The following RRH variants were observed in gnomAD, a reference collection of about 807,000 sequenced individuals.
RRH encodes the protein visual pigment-like receptor peropsin.
In RRH, 36 loss-of-function variants were observed where a neutral mutation model predicts 33.1. The ratio of observed to expected loss-of-function variants is 1.09; its 90% confidence interval spans 0.83 to 1.44. The LOEUF (loss-of-function observed/expected upper bound fraction) is 1.44. RRH is among the 40% of genes most tolerant of loss of function. The pLI, the probability that RRH is intolerant of heterozygous loss-of-function variation, is 0.00. For synonymous variants in RRH, 124 were observed against 140.2 expected, an observed-to-expected ratio of 0.88 and a Z score of 0.82; for missense variants, 393 against 420.2, an observed-to-expected ratio of 0.94 and a Z score of 0.57.
intron 4 of RRH, 105 bp downstream of exon 4, chr4:109,836,265 C>A: frequency 1.7e-6 from 2 of 1,172,340 alleles, no homozygotes; most frequent in Non-Finnish European, 2.5e-6. Flanking sequence ...CAGAAGGTGG[C>A]GAAGCACTTC....
intron 5 of RRH, among the ~76,000 whole-genome samples, chr4:109,840,048 A>G (rs1386965350): frequency 6.6e-6 from 1 of 152,186 alleles, no homozygotes; most frequent in Non-Finnish European, 1.5e-5. Context: ...TGCCACACAC[A>G]ATCTTCCACA....
rs1733913560 is a variant in RRH, at chr4:109,837,745, C to A, written c.720+140C>A. 9.9e-6 allele frequency: 7 copies of A among 704,770 alleles called. 1 individual carries two copies. Among genetic ancestry groups the A allele is most frequent in the South Asian group, 8.3e-5 (5 of 60,504 alleles). 43.7% of individuals were successfully genotyped at this position (704,770 alleles called of 1,614,324 possible). On this transcript the variant is annotated intron_variant, in intron 5 of 6. Coordinates refer to ENST00000317735, the MANE Select transcript of RRH (RefSeq NM_006583.5). ...CCAGCTCTTTCTTCTGTGTTTGCTTCCTCATTTCTTTTTTTGCTTTTATTT... is the reference window on the plus strand; with the variant it reads ...CCAGCTCTTTCTTCTGTGTTTGCTTACTCATTTCTTTTTTTGCTTTTATTT...
chr4:109,837,318 C>T, intron 4 of RRH, 119 bp from the exon 5 acceptor site: 1 of 948,358 alleles, frequency 1.1e-6, no homozygotes, highest in Non-Finnish European at 1.6e-6. Flanking sequence ...AAATATACTT[C>T]TAAAATTATT....
At chr4:109,830,921 C>T (rs1401610499) in intron 1 of RRH, among the ~76,000 whole-genome samples, 1 of 152,130 alleles carries the variant, frequency 6.6e-6, no homozygotes, top group Non-Finnish European at 1.5e-5. Context: ...GAGAAATCAA[C>T]ATCAAGTGCT....
In RRH at chr4:109,835,462, G is replaced by T. The variant is rs147963829; in HGVS notation, c.394G>T (p.Val132Leu). 13 of 1,609,622 alleles carry T rather than the reference G, an allele frequency of 8.1e-6. No homozygotes were observed. Among genetic ancestry groups the T allele is most frequent in the African/African-American group, 1.3e-5 (1 of 74,804 alleles). The change falls in exon 3 of 7, where the codon GTA becomes TTA. Residue 132 changes from valine (V) to leucine (L), a missense_variant. Transcript: ENST00000317735. The stretch of plus-strand genomic sequence containing the variant: ...ATACCTGACCATCTGCCTTCCTGAC[G>T]TAGGTACAACACTTTTCTCAGCTTT... The part of the protein sequence containing the change: ...DRYLTICLPD[V>L]GRRMTTNTYI...
At chr4:109,834,045 A>G (rs1733823593) in intron 2 of RRH, among the ~76,000 whole-genome samples, 1 of 152,190 alleles carries the variant, frequency 6.6e-6, no homozygotes, top group African/African-American at 2.4e-5. Flanking sequence ...CTTCAATCTT[A>G]TTCCTCCCAT....
chr4:109,833,099 A>C (rs371698426), intron 1 of RRH, 40 bp from the exon 2 acceptor site: 2 of 1,533,270 alleles, frequency 1.3e-6, no homozygotes, highest in Non-Finnish European at 1.8e-6. Context: ...GAAACATTCA[A>C]ATTAAACAAA....
At chr4:109,835,265 AC>A in intron 2 of RRH, 100 bp from the exon 3 acceptor site, 1 of 759,770 alleles carries the variant, frequency 1.3e-6, no homozygotes, top group South Asian at 1.5e-5. Context: ...AAAGTAAAAA[AC>A]CTTTAGTATA....
At chr4:109,839,229 T>C (rs1438095822) in intron 5 of RRH, among the ~76,000 whole-genome samples, 2 of 151,348 alleles carry the variant, frequency 1.3e-5, no homozygotes, top group Non-Finnish European at 2.9e-5. Flanking sequence ...AAAAAACTCA[T>C]TAATAAAAAA....
At chr4:109,832,348 A>C (rs2125892294) in intron 1 of RRH, among the ~76,000 whole-genome samples, 2 of 151,212 alleles carry the variant, frequency 1.3e-5, no homozygotes, top group East Asian at 3.9e-4. Flanking sequence ...AATCTGGGGC[A>C]CTGACAACAC....
chr4:109,837,370 T>G, intron 4 of RRH, 67 bp from the exon 5 acceptor site: 1 of 1,289,398 alleles, frequency 7.8e-7, no homozygotes, highest in Non-Finnish European at 1.1e-6. Flanking sequence ...AATAATTATC[T>G]CCTCTTTCTC....
intron 6 of RRH, among the ~76,000 whole-genome samples, chr4:109,843,724 T>A (rs927348407): frequency 6.6e-6 from 1 of 152,206 alleles, no homozygotes; most frequent in Non-Finnish European, 1.5e-5. Flanking sequence ...AATAAACAAC[T>A]CATGGCACTT....
intron 1 of RRH, among the ~76,000 whole-genome samples, 164 bp downstream of exon 1, chr4:109,828,297 C>CT (rs151191651): frequency 0.035 from 5,328 of 152,072 alleles, 122 homozygotes; most frequent in Non-Finnish European, 0.055. Context: ...TGATGATACT[C>CT]TATTTCTGGG....
At chr4:109,843,964 G>A (rs1166235922) in intron 6 of RRH, 119 bp from the exon 7 acceptor site, 3 of 708,534 alleles carry the variant, frequency 4.2e-6, no homozygotes, top group Non-Finnish European at 7.7e-6. Context: ...TAAAGTTGGA[G>A]GCAGAAATTT....
At position 109,842,490 on chromosome 4, in the gene RRH, A is replaced by G. The variant is rs149358397; in HGVS notation, c.742A>G (p.Met248Val). ...TCAGATGTCTGTGATCATGATCTGC[A>G]TGTTTCTGGTGGCATGGTCCCCTTA... ...VTKMSVIMICMFLVAWSPYSI... is the reference protein window; with the variant it reads ...VTKMSVIMICVFLVAWSPYSI... Residue 248 changes from methionine to valine, a missense_variant, in exon 6 of 7, where the codon ATG becomes GTG. By Grantham distance (21) the Met-to-Val change is conservative (BLOSUM62 1). Coordinates refer to ENST00000317735, the MANE Select transcript of RRH (RefSeq NM_006583.5). The G allele has an allele frequency of 4.4e-4, 709 of 1,613,836 alleles. No individual in the cohort carries two copies. The highest frequency in any genetic ancestry group is 5.7e-4 in the Non-Finnish European group (668 of 1,179,966).
chr4:109,831,873 C>G (rs979610217), intron 1 of RRH, among the ~76,000 whole-genome samples: 1 of 152,092 alleles, frequency 6.6e-6, no homozygotes, highest in African/African-American at 2.4e-5. Context: ...CAAGCTGATT[C>G]TGCCAGAAGC....
rs199514197 is a variant in RRH, at chr4:109,842,568, C to A, written c.820C>A (p.Pro274Thr). Residue 274 changes from proline (P) to threonine (T), a missense_variant, in exon 6 of 7, where the codon CCC (proline) becomes ACC (threonine). By Grantham distance (38) the Pro-to-Thr change is conservative. Coordinates refer to ENST00000317735, the MANE Select transcript of RRH (RefSeq NM_006583.5). ...TGGTGACCCAAAGAAGATTCCTCCC[C>A]CCATGGCCATCATAGCTCCACTGTT... ...SFGDPKKIPPPMAIIAPLFAK... is the reference protein window; with the variant it reads ...SFGDPKKIPPTMAIIAPLFAK... The A allele has an allele frequency of 1.4e-5, 22 of 1,613,892 alleles. No individual in the cohort carries two copies. Among genetic ancestry groups the A allele is most frequent in the Non-Finnish European group, 4.2e-6 (5 of 1,179,916 alleles).
At chr4:109,839,325 G>A (rs1261095996) in intron 5 of RRH, among the ~76,000 whole-genome samples, 4 of 152,046 alleles carry the variant, frequency 2.6e-5, no homozygotes, top group South Asian at 2.1e-4. Context: ...AACAGGATCC[G>A]ACCCTGCACT....
chr4:109,833,956 C>T (rs899125010), intron 2 of RRH, among the ~76,000 whole-genome samples: 17 of 152,232 alleles, frequency 1.1e-4, no homozygotes, highest in African/African-American at 3.6e-4. Context: ...CTTAATGTTT[C>T]GCAATCTGTG....
Sources: gnomAD v4.1 joint callset for allele counts (sites outside exome capture counted in the v4.1 genomes callset) on GRCh38, gnomAD v4.1.1 for gene constraint, MANE v1.5 for transcripts, NCBI Gene and HGNC (gene_info 2026-07-23, HGNC 2026-07-21) for gene names.